CNOT4: variants seen among roughly 807,000 people sequenced by gnomAD.
CNOT4 encodes the protein CCR4-NOT transcription complex subunit 4, also known as CCR4-associated factor 4.
A neutral mutation model predicts 73.8 loss-of-function variants in CNOT4; 8 were observed. The ratio of observed to expected loss-of-function variants is 0.11; its 90% CI spans 0.06 to 0.20. The LOEUF (loss-of-function observed/expected upper bound fraction) is 0.20, where lower values mean the gene tolerates loss of function less well. CNOT4 is among the 10% of genes least tolerant of loss of function. The pLI, the probability that CNOT4 is intolerant of heterozygous loss-of-function variation, is 1.00. For missense variants in CNOT4, 564 were observed against 883.4 expected (o/e 0.64, Z 4.58); for synonymous variants, 293 against 321.1 (o/e 0.91, Z 0.94).
intron 7 of CNOT4, among the ~76,000 whole-genome samples, chr7:135,400,372 A>G (rs1028246832): frequency 1.3e-5 from 2 of 152,102 alleles, no homozygotes; most frequent in African/African-American, 4.8e-5. Flanking sequence ...ATAAACTTGC[A>G]CTATACTTAA....
intron 1 of CNOT4, among the ~76,000 whole-genome samples, chr7:135,478,066 T>C (rs746065305): frequency 6.6e-6 from 1 of 152,194 alleles, no homozygotes; most frequent in Non-Finnish European, 1.5e-5. Context: ...CATATTTATA[T>C]GTATTACTAT....
At chr7:135,479,198 ATTTTTTTTTTTTTTTTT>A (rs61487024) in intron 1 of CNOT4, among the ~76,000 whole-genome samples, 1 of 89,816 alleles carries the variant, frequency 1.1e-5, no homozygotes, top group African/African-American at 4.7e-5. Context: ...TTAGAACCAA[ATTTTTTTTTTTTTTTTT>A]TTTTTTTTTT....
At chr7:135,414,508 G>T in intron 4 of CNOT4, 76 bp from the exon 5 acceptor site, 2 of 721,100 alleles carry the variant, frequency 2.8e-6, no homozygotes, top group South Asian at 1.7e-5. Flanking sequence ...CTGCAACCTA[G>T]GGAATTCTAA....
chr7:135,395,859 G>C lies in CNOT4; in HGVS notation c.904C>G (p.Pro302Ala). The C allele has an allele frequency of 6.2e-7, 1 of 1,608,198 alleles. No homozygotes were observed. The highest frequency in any genetic ancestry group is 8.5e-7 in the Non-Finnish European group (1 of 1,174,604). ...QQISNSDTPS[P>A]PPGLSKSNPV... ...TTGGATTTTGACAAACCAGGTGGTG[G>C]TGAAGGCGTATCACTGTTAGATATC... The change falls in exon 9 of 12, where the codon CCA becomes GCA. Residue 302 changes from proline to alanine, a missense_variant. Physicochemically the swap from Pro to Ala is conservative, Grantham distance 27. Around this residue, in one of 10 missense-constraint regions of CNOT4, gnomAD observed 135 missense variants for 154.0 expected, o/e 0.88. Transcript: ENST00000541284.
chr7:135,373,724 G>T (rs1201482421), intron 10 of CNOT4, among the ~76,000 whole-genome samples: 2 of 151,558 alleles, frequency 1.3e-5, no homozygotes, highest in Non-Finnish European at 2.9e-5. Flanking sequence ...TTACAGGCAA[G>T]TGCCACCAAG....
intron 7 of CNOT4, among the ~76,000 whole-genome samples, chr7:135,401,531 A>C (rs574015929): frequency 6.6e-6 from 1 of 152,276 alleles, no homozygotes; most frequent in South Asian, 2.1e-4. Context: ...AATTACTTGC[A>C]TTTTGAAGCT....
intron 2 of CNOT4, among the ~76,000 whole-genome samples, chr7:135,427,274 T>C (rs954908229): frequency 1.3e-5 from 2 of 152,202 alleles, no homozygotes; most frequent in Non-Finnish European, 2.9e-5. Flanking sequence ...GCTAAGACTT[T>C]AATTATTTTA....
At chr7:135,444,284 AC>A (rs1386679220) in intron 1 of CNOT4, among the ~76,000 whole-genome samples, 9 of 152,150 alleles carry the variant, frequency 5.9e-5, no homozygotes, top group Non-Finnish European at 1.2e-4. Context: ...TATTCAAAGA[AC>A]TGAAAGGACT....
intron 10 of CNOT4, chr7:135,388,777 T>C (rs745766628): frequency 6.2e-7 from 1 of 1,610,556 alleles, no homozygotes; most frequent in Non-Finnish European, 8.5e-7. Flanking sequence ...TCTAATCCTC[T>C]CCTCTCAGTT....
At chr7:135,402,878 C>T (rs936691982) in intron 7 of CNOT4, among the ~76,000 whole-genome samples, 2 of 152,072 alleles carry the variant, frequency 1.3e-5, no homozygotes, top group Non-Finnish European at 2.9e-5. Flanking sequence ...TCCTTAATGG[C>T]GATGCCAACC....
chr7:135,363,886 G>C lies in CNOT4; in HGVS notation c.1808C>G (p.Pro603Arg). The C allele has an allele frequency of 1.3e-6, 2 of 1,598,218 alleles. No homozygotes were observed. Among genetic ancestry groups the C allele is most frequent in the South Asian group, 1.1e-5 (1 of 91,012 alleles). ...GATGGCTGGGTCTGTCCAGCTGCCA[G>C]GGCTGTCCCAACTCAGGCTGTCGGT... Reference protein sequence around the residue: ...ATTDSLSWDSPGSWTDPAIIT... With the variant: ...ATTDSLSWDSRGSWTDPAIIT... The change falls in exon 11 of 12, where the codon CCT becomes CGT. Residue 603 changes from proline to arginine, a missense_variant. Coordinates refer to ENST00000541284, the MANE Select transcript of CNOT4 (RefSeq NM_001190850.2). This position sits in a 1 kb window ranked among gnomAD's most constrained non-coding sequence, Gnocchi z 4.3.
chr7:135,419,511 T>G (rs193060406), intron 3 of CNOT4, among the ~76,000 whole-genome samples: 1 of 152,304 alleles, frequency 6.6e-6, no homozygotes, highest in East Asian at 1.9e-4. Context: ...CTCTGGTCTT[T>G]CTGGACTTTC....
At chr7:135,391,955 T>C (rs1467348307) in intron 10 of CNOT4, among the ~76,000 whole-genome samples, 1 of 152,050 alleles carries the variant, frequency 6.6e-6, no homozygotes, top group East Asian at 1.9e-4. Flanking sequence ...GAGTTTCTCA[T>C]CTTCTCATCC....
chr7:135,365,747 T>C (rs1794877229), intron 10 of CNOT4, among the ~76,000 whole-genome samples: 2 of 152,294 alleles, frequency 1.3e-5, no homozygotes, highest in South Asian at 4.1e-4. Context: ...TTATAGTGTG[T>C]CCACTGGCCA....
At chr7:135,480,915 ATC>A (rs370551598) in intron 1 of CNOT4, among the ~76,000 whole-genome samples, 2 of 149,724 alleles carry the variant, frequency 1.3e-5, no homozygotes, top group African/African-American at 4.9e-5. Flanking sequence ...ATGAAACTGG[ATC>A]TCTCTCTCTC....
In CNOT4 at chr7:135,509,974, A is replaced by G. The variant is rs1025999802; in HGVS notation, c.-178T>C. The stretch of plus-strand genomic sequence containing the variant: ...AAACCACCGAACGAGCGTCGGGGAA[A>G]AAACTCTTCAGAACCGGGCCTGATT... On this transcript the variant is annotated 5_prime_UTR_variant, in exon 1 of 12. Coordinates refer to ENST00000541284, the MANE Select transcript of CNOT4 (RefSeq NM_001190850.2). 1.0e-5 allele frequency: 4 copies of G among 399,070 alleles called. No individual in the cohort carries two copies. The highest frequency in any genetic ancestry group is 1.8e-5 in the Non-Finnish European group (4 of 226,194). The allele number at this position is 399,070 out of a possible 1,614,324, so 24.7% of individuals were successfully genotyped here. A position where few individuals can be genotyped will look rare whatever the true frequency, so the allele number is the denominator to read the frequency against.
At chr7:135,405,803 A>G (rs533509248) in intron 7 of CNOT4, among the ~76,000 whole-genome samples, 1 of 152,308 alleles carries the variant, frequency 6.6e-6, no homozygotes, top group South Asian at 2.1e-4. Flanking sequence ...TAGCTATGGT[A>G]ATCTTAAGAT....
At chr7:135,482,986 CAA>C (rs36125617) in intron 1 of CNOT4, among the ~76,000 whole-genome samples, 6,891 of 42,952 alleles carry the variant, frequency 0.16, 134 homozygotes, top group Non-Finnish European at 0.22. Flanking sequence ...GACTCCATAT[CAA>C]AAAAAAAAAA....
At chr7:135,486,170 A>G (rs905833767) in intron 1 of CNOT4, among the ~76,000 whole-genome samples, 3 of 152,180 alleles carry the variant, frequency 2.0e-5, no homozygotes, top group Non-Finnish European at 4.4e-5. Flanking sequence ...AGAGAAGAAA[A>G]TGAGATATCT....
Sources: gnomAD v4.1 joint callset for allele counts (sites outside exome capture counted in the v4.1 genomes callset) on GRCh38, gnomAD v4.1.1 for gene constraint, gnomAD v4.1.1 regional missense constraint, Gnocchi (gnomAD v3.1) non-coding constraint, MANE v1.5 for transcripts, NCBI Gene and HGNC (gene_info 2026-07-23, HGNC 2026-07-21) for gene names.